Variants in ASAP1 observed in about 807,000 individuals in gnomAD.
ASAP1 encodes ArfGAP with SH3 domain, ankyrin repeat and PH domain 1.
Under a neutral mutation model 145.2 loss-of-function variants are expected in ASAP1, and 43 were observed. That is an observed-to-expected ratio of 0.30 (90% confidence interval 0.23 to 0.38). The LOEUF (loss-of-function observed/expected upper bound fraction) is 0.38. ASAP1 is among the 10% of genes least tolerant of loss of function. The pLI is 1.00. For synonymous variants in ASAP1, 546 were observed against 515.5 expected, an observed-to-expected ratio of 1.06 and a Z score of -0.80; for missense variants, 1,018 against 1,355.3, an observed-to-expected ratio of 0.75 and a Z score of 3.91.
chr8:130,366,541 T>C (rs1053081477), intron 2 of ASAP1, among the ~76,000 whole-genome samples: 1 of 152,164 alleles, frequency 6.6e-6, no homozygotes, highest in African/African-American at 2.4e-5. Flanking sequence ...ACAGAGGTAT[T>C]AGGAGGGAAC....
chr8:130,400,213 C>T (rs77539292), intron 2 of ASAP1, among the ~76,000 whole-genome samples: 1 of 152,188 alleles, frequency 6.6e-6, no homozygotes, highest in Admixed American at 6.5e-5. Context: ...TTCCACTACG[C>T]GGACTTCTTA....
At chr8:130,302,116 T>A (rs555474101) in intron 3 of ASAP1, among the ~76,000 whole-genome samples, 31 of 152,364 alleles carry the variant, frequency 2.0e-4, no homozygotes, top group Non-Finnish European at 3.7e-4. Context: ...ACATTAGGTA[T>A]AATATCTGCA....
intron 2 of ASAP1, among the ~76,000 whole-genome samples, chr8:130,368,591 A>C (rs565157217): frequency 3.0e-4 from 45 of 152,348 alleles, no homozygotes; most frequent in African/African-American, 1.1e-3. Flanking sequence ...GTACTAGAAC[A>C]GGCATTTAAC....
chr8:130,099,162 C>T (rs544081190), intron 24 of ASAP1, among the ~76,000 whole-genome samples: 3 of 151,548 alleles, frequency 2.0e-5, no homozygotes, highest in African/African-American at 4.8e-5. Flanking sequence ...TATACGTGTA[C>T]GCCACCAGGC....
intron 1 of ASAP1, among the ~76,000 whole-genome samples, chr8:130,435,099 A>G (rs796368023): frequency 8.5e-5 from 13 of 152,060 alleles, no homozygotes; most frequent in African/African-American, 3.1e-4. Context: ...ACACTTCCAT[A>G]CTCATTATCG....
intron 4 of ASAP1, among the ~76,000 whole-genome samples, chr8:130,227,626 TTA>T (rs941932912): frequency 1.3e-5 from 2 of 150,774 alleles, no homozygotes; most frequent in African/African-American, 4.9e-5. Flanking sequence ...CAATCAATGC[TTA>T]TATGTTTATT....
chr8:130,145,620 G>A (rs2097627241), intron 13 of ASAP1, among the ~76,000 whole-genome samples: 1 of 152,144 alleles, frequency 6.6e-6, no homozygotes, highest in Admixed American at 6.5e-5. Flanking sequence ...AGTCTTTAAA[G>A]CGAGGGCATC....
chr8:130,198,780 ATTTC>A (rs1298827238), intron 5 of ASAP1, among the ~76,000 whole-genome samples: 2 of 152,130 alleles, frequency 1.3e-5, no homozygotes, highest in Admixed American at 1.3e-4. Flanking sequence ...GGCCACTCTC[ATTTC>A]CTCTGTGCTC....
At chr8:130,368,776 G>A (rs1054510755) in intron 2 of ASAP1, among the ~76,000 whole-genome samples, 9 of 152,198 alleles carry the variant, frequency 5.9e-5, no homozygotes, top group Admixed American at 1.3e-4. Context: ...CAAGAGATGC[G>A]GGAGAGTCGT....
intron 7 of ASAP1, among the ~76,000 whole-genome samples, chr8:130,183,331 AATT>A (rs1021193262): frequency 1.3e-5 from 2 of 151,886 alleles, no homozygotes; most frequent in Admixed American, 6.6e-5. Context: ...TTAGAGATAA[AATT>A]ATTATTATTA....
intron 18 of ASAP1, among the ~76,000 whole-genome samples, chr8:130,119,737 C>T (rs755942427): frequency 1.3e-5 from 2 of 151,858 alleles, no homozygotes; most frequent in African/African-American, 4.8e-5. Context: ...TGGATTAAAT[C>T]TTTTAGTTCT....
chr8:130,122,158 C>T (rs1204823455), intron 18 of ASAP1, among the ~76,000 whole-genome samples: 2 of 152,198 alleles, frequency 1.3e-5, no homozygotes, highest in Non-Finnish European at 2.9e-5. Flanking sequence ...TCCCCACACA[C>T]TTCAACACCT....
intron 29 of ASAP1, among the ~76,000 whole-genome samples, chr8:130,057,551 C>T (rs1388460757): frequency 3.3e-5 from 5 of 152,048 alleles, no homozygotes; most frequent in Non-Finnish European, 7.4e-5. Context: ...CGGGTTCAAG[C>T]GATTCTCCTG....
chr8:130,088,311 G>A (rs1313962765), intron 25 of ASAP1, among the ~76,000 whole-genome samples: 1 of 152,084 alleles, frequency 6.6e-6, no homozygotes, highest in Admixed American at 6.5e-5. Context: ...TGTATTTTTA[G>A]TAGAGATGGG....
At chr8:130,391,567 T>C (rs912430604) in intron 2 of ASAP1, among the ~76,000 whole-genome samples, 13 of 150,428 alleles carry the variant, frequency 8.6e-5, no homozygotes, top group African/African-American at 3.3e-4. Context: ...GGAAAAACTT[T>C]GGTTCTCAAT....
intron 9 of ASAP1, among the ~76,000 whole-genome samples, chr8:130,178,093 T>A (rs745920180): frequency 6.6e-6 from 1 of 152,236 alleles, no homozygotes; most frequent in Non-Finnish European, 1.5e-5. Flanking sequence ...AATGTTTCAG[T>A]TGAATACAGG....
chr8:130,254,849 C>T (rs1307670747), intron 3 of ASAP1, among the ~76,000 whole-genome samples: 2 of 152,168 alleles, frequency 1.3e-5, no homozygotes. Flanking sequence ...AACAACCAAT[C>T]TAACAACTTT....
intron 1 of ASAP1, among the ~76,000 whole-genome samples, chr8:130,409,970 A>C (rs1436789399): frequency 1.3e-5 from 2 of 152,216 alleles, no homozygotes; most frequent in Non-Finnish European, 2.9e-5. Flanking sequence ...CAGGTATAGA[A>C]ACAGACAGGA....
chr8:130,415,060 C>T (rs1829419632), intron 1 of ASAP1, among the ~76,000 whole-genome samples: 1 of 152,228 alleles, frequency 6.6e-6, no homozygotes, highest in African/African-American at 2.4e-5. Context: ...GCCCGGCACA[C>T]TTCCATAACT....
Sources: allele counts gnomAD v4.1 joint callset (sites outside exome capture counted in the v4.1 genomes callset), GRCh38; gene constraint gnomAD v4.1.1; transcripts MANE v1.5; gene names NCBI Gene and HGNC (gene_info 2026-07-23, HGNC 2026-07-21).